PPM1D: variants seen among roughly 807,000 people sequenced by gnomAD.
The protein encoded by PPM1D is protein phosphatase 1D.
A neutral mutation model predicts 58.3 loss-of-function variants in PPM1D; 52 were observed. That is an observed-to-expected ratio of 0.89 (90% CI 0.71 to 1.12). PPM1D has a LOEUF of 1.12. Ranked by LOEUF, PPM1D falls within the 50% of genes most tolerant of loss-of-function variation. The pLI is 0.00. For missense variants in PPM1D, 564 were observed against 777.2 expected (o/e 0.73, Z 3.26); for synonymous variants, 278 against 285.1 (o/e 0.98, Z 0.25).
intron 1 of PPM1D, among the ~76,000 whole-genome samples, chr17:60,614,462 A>T (rs1245005558): frequency 1.3e-5 from 2 of 152,208 alleles, no homozygotes; most frequent in Non-Finnish European, 2.9e-5. Flanking sequence ...AAAACGGACC[A>T]ATCAGTTCTC....
At chr17:60,653,401 G>GT (rs973782302) in intron 4 of PPM1D, among the ~76,000 whole-genome samples, 3 of 152,138 alleles carry the variant, frequency 2.0e-5, no homozygotes, top group African/African-American at 4.8e-5. Context: ...CTATGTGTCT[G>GT]TTTTTGTAGC....
chr17:60,626,511 G>C (rs993801835), intron 2 of PPM1D, among the ~76,000 whole-genome samples: 2 of 151,068 alleles, frequency 1.3e-5, no homozygotes, highest in African/African-American at 4.9e-5. Flanking sequence ...TCTCCTGCCT[G>C]AGCCTCTCTA....
chr17:60,636,152 A>T (rs914611602), intron 3 of PPM1D, among the ~76,000 whole-genome samples: 2 of 152,344 alleles, frequency 1.3e-5, no homozygotes, highest in African/African-American at 4.8e-5. Context: ...TGATCATAAA[A>T]AGACATTTTG....
intron 1 of PPM1D, among the ~76,000 whole-genome samples, chr17:60,616,571 C>T (rs2030589426): frequency 6.6e-6 from 1 of 152,068 alleles, no homozygotes; most frequent in South Asian, 2.1e-4. Flanking sequence ...GATCACGCCT[C>T]TGCACTCCGG....
chr17:60,632,076 C>A (rs2030933342), intron 2 of PPM1D, among the ~76,000 whole-genome samples: 1 of 151,932 alleles, frequency 6.6e-6, no homozygotes, highest in Admixed American at 6.6e-5. Context: ...TACTCATAGT[C>A]CCAGCTACTC....
Position 60,663,459 on chromosome 17 carries a change from T to G in PPM1D, c.1725T>G (p.Ser575=). Residue 575 remains serine, a synonymous_variant, in exon 6 of 6, where the codon TCT becomes TCG. Transcript: ENST00000305921. ...SLPTTSQRKN[S]VKLTMRRRLR... ...CCACAACCTCACAGCGAAAGAACTC[T>G]GTTAAACTCACCATGCGACGCAGAC... 1 of 1,614,160 alleles carries G rather than the reference T, an allele frequency of 6.2e-7. No individual in the cohort carries two copies. The highest frequency in any genetic ancestry group is 1.3e-5 in the African/African-American group (1 of 75,046).
At chr17:60,642,406 C>A (rs1354580356) in intron 3 of PPM1D, among the ~76,000 whole-genome samples, 1 of 129,966 alleles carries the variant, frequency 7.7e-6, no homozygotes, top group Non-Finnish European at 1.5e-5. Context: ...GGGCAATGAA[C>A]GATTTGTGAA....
At chr17:60,652,799 G>T (rs936692720) in intron 4 of PPM1D, among the ~76,000 whole-genome samples, 1 of 151,906 alleles carries the variant, frequency 6.6e-6, no homozygotes, top group African/African-American at 2.4e-5. Context: ...TTAATCATTT[G>T]TATGTCTTTT....
intron 4 of PPM1D, among the ~76,000 whole-genome samples, chr17:60,649,627 C>T (rs955057446): frequency 5.9e-5 from 9 of 151,512 alleles, no homozygotes; most frequent in South Asian, 2.1e-4. Context: ...AGGCAGAGGT[C>T]GCAGTGAGCC....
intron 2 of PPM1D, among the ~76,000 whole-genome samples, chr17:60,633,490 C>T (rs576336947): frequency 6.6e-6 from 1 of 152,076 alleles, no homozygotes; most frequent in Non-Finnish European, 1.5e-5. Context: ...CTCACTGCAG[C>T]CTCTGCCTCC....
Position 60,619,026 on chromosome 17 carries a change from CCAA to C in PPM1D, c.473-4492_473-4490del, listed in dbSNP as rs149687269. Among the ~76,000 whole-genome samples, 26 of 152,252 alleles carry C rather than the reference CCAA, an allele frequency of 1.7e-4. No homozygotes were observed. The East Asian group carries it at 4.8e-3, about 28-fold the overall frequency. ...ATAATGGGAAGTTTGTGCTGTTTGA[CCAA>C]CATCTCCCCACTTCTCCTAACCCCT... On this transcript the variant is annotated intron_variant, in intron 1 of 5. Coordinates refer to ENST00000305921, the MANE Select transcript of PPM1D (RefSeq NM_003620.4).
intron 3 of PPM1D, among the ~76,000 whole-genome samples, chr17:60,641,426 A>C (rs910595475): frequency 1.3e-4 from 19 of 151,974 alleles, no homozygotes; most frequent in African/African-American, 4.1e-4. Flanking sequence ...CCCACTTTCT[A>C]ATGGGGTTAT....
chr17:60,638,823 G>C (rs1041563431), intron 3 of PPM1D, among the ~76,000 whole-genome samples: 2 of 152,006 alleles, frequency 1.3e-5, no homozygotes, highest in Non-Finnish European at 2.9e-5. Context: ...GTTTTTTTGG[G>C]CGGGGGAAGG....
At chr17:60,627,481 G>A (rs2030833174) in intron 2 of PPM1D, among the ~76,000 whole-genome samples, 1 of 151,942 alleles carries the variant, frequency 6.6e-6, no homozygotes, top group Admixed American at 6.6e-5. Flanking sequence ...GAGTGCAGTG[G>A]CGGGATCTGG....
chr17:60,654,193 A>G (rs1433290852), intron 4 of PPM1D, among the ~76,000 whole-genome samples: 2 of 151,038 alleles, frequency 1.3e-5, no homozygotes, highest in Non-Finnish European at 2.9e-5. Flanking sequence ...TATTTCTACT[A>G]TACTTATTTT....
intron 5 of PPM1D, 162 bp downstream of exon 5, chr17:60,657,003 T>C: frequency 6.5e-7 from 1 of 1,546,432 alleles, no homozygotes; most frequent in Non-Finnish European, 8.7e-7. Flanking sequence ...ACATCAATAC[T>C]AATCTGAATG....
At chr17:60,618,259 T>C (rs900279607) in intron 1 of PPM1D, among the ~76,000 whole-genome samples, 2 of 152,200 alleles carry the variant, frequency 1.3e-5, no homozygotes, top group African/African-American at 4.8e-5. Context: ...TACAGGCACA[T>C]ACTACCATGG....
intron 2 of PPM1D, among the ~76,000 whole-genome samples, chr17:60,627,164 G>T (rs1235833104): frequency 6.6e-6 from 1 of 152,148 alleles, no homozygotes; most frequent in Non-Finnish European, 1.5e-5. Flanking sequence ...AACTTTTTGG[G>T]TTTTATGCCA....
chr17:60,608,356 A>G (rs1263642850), intron 1 of PPM1D, among the ~76,000 whole-genome samples: 2 of 152,192 alleles, frequency 1.3e-5, no homozygotes, highest in Non-Finnish European at 2.9e-5. Flanking sequence ...TCCATAACTC[A>G]GCTTAAAAAA....
Sources: allele counts gnomAD v4.1 joint callset (sites outside exome capture counted in the v4.1 genomes callset), GRCh38; gene constraint gnomAD v4.1.1; transcripts MANE v1.5; gene names NCBI Gene and HGNC (gene_info 2026-07-23, HGNC 2026-07-21).